The following ARRB1 variants were observed in gnomAD, a reference collection of about 807,000 sequenced individuals.
ARRB1 encodes arrestin beta 1.
ARRB1 carries 21 observed loss-of-function variants against 56.8 expected under a neutral mutation model. The observed-to-expected ratio is 0.37, with a 90% CI of 0.26 to 0.53. ARRB1 has a LOEUF of 0.53. Ranked by LOEUF, ARRB1 falls within the 20% of genes least tolerant of loss-of-function variation. ARRB1 has a pLI of 0.88. For missense variants in ARRB1, 424 were observed against 553.7 expected, an observed-to-expected ratio of 0.77 and a Z score of 2.35; for synonymous variants, 210 against 218.6, an observed-to-expected ratio of 0.96 and a Z score of 0.35.
At chr11:75,320,837 C>T (rs1947338299) in intron 1 of ARRB1, among the ~76,000 whole-genome samples, 1 of 152,196 alleles carries the variant, frequency 6.6e-6, no homozygotes, top group Non-Finnish European at 1.5e-5. Context: ...CCTGGACTCC[C>T]AGACCACTGG....
intron 12 of ARRB1, among the ~76,000 whole-genome samples, chr11:75,272,228 C>T (rs1176743429): frequency 6.6e-6 from 1 of 152,214 alleles, no homozygotes; most frequent in Non-Finnish European, 1.5e-5. Flanking sequence ...TGGGATTTAG[C>T]TTTTCAATCT....
At chr11:75,326,668 T>C (rs1947439915) in intron 1 of ARRB1, among the ~76,000 whole-genome samples, 1 of 151,498 alleles carries the variant, frequency 6.6e-6, no homozygotes, top group Admixed American at 6.6e-5. Context: ...CTAACGCCCA[T>C]GTCTCATCGC....
chr11:75,288,366 C>T (rs34348607), intron 2 of ARRB1, among the ~76,000 whole-genome samples: 2,140 of 152,248 alleles, frequency 0.014, 45 homozygotes, highest in African/African-American at 0.049. Context: ...CATAGCCAGC[C>T]GGGAGGGAAA....
At chr11:75,339,579 C>T (rs930389618) in intron 1 of ARRB1, among the ~76,000 whole-genome samples, 2 of 152,208 alleles carry the variant, frequency 1.3e-5, no homozygotes, top group Non-Finnish European at 2.9e-5. Context: ...CTCACACAAA[C>T]GCACTTTCCA....
chr11:75,345,280 T>C (rs1947747756), intron 1 of ARRB1, among the ~76,000 whole-genome samples: 1 of 152,088 alleles, frequency 6.6e-6, no homozygotes, highest in South Asian at 2.1e-4. Context: ...GAGGCGCGTC[T>C]CCCGAGAGAT....
rs561552046 is a variant in ARRB1, at chr11:75,281,318, C to G, written c.415-176G>C. On this transcript the variant is annotated intron_variant, in intron 6 of 15. Transcript: ENST00000420843. ...AACGCCCTTGTGCTCAGCCCCAATG[C>G]TGTGCTGCCTCCTCCATCTGACATG... Among the ~76,000 whole-genome samples, 5 of 152,316 alleles carry G rather than the reference C, an allele frequency of 3.3e-5. No individual in the cohort carries two copies. In the East Asian group the frequency reaches 9.6e-4, roughly 29 times the overall value.
intron 1 of ARRB1, among the ~76,000 whole-genome samples, chr11:75,301,566 C>T (rs1249851767): frequency 3.9e-5 from 6 of 152,184 alleles, no homozygotes; most frequent in Non-Finnish European, 5.9e-5. Context: ...CATACGTTCC[C>T]CCATCCCTGT....
intron 1 of ARRB1, among the ~76,000 whole-genome samples, chr11:75,318,560 T>C (rs1189530535): frequency 6.6e-6 from 1 of 152,056 alleles, no homozygotes; most frequent in Non-Finnish European, 1.5e-5. Flanking sequence ...CATGGTGGCA[T>C]GCACCTTTAA....
chr11:75,301,689 A>G (rs1248906676), intron 1 of ARRB1, among the ~76,000 whole-genome samples: 1 of 152,188 alleles, frequency 6.6e-6, no homozygotes, highest in Non-Finnish European at 1.5e-5. Flanking sequence ...AGCAGCCATC[A>G]GGGAGCAGGG....
rs1947041355 is a variant in ARRB1, at chr11:75,306,722, AG to A, written c.21-16684del. On this transcript the variant is annotated intron_variant, in intron 1 of 15. Coordinates refer to ENST00000420843, the MANE Select transcript of ARRB1 (RefSeq NM_004041.5). The stretch of plus-strand genomic sequence containing the variant: ...GCTCAGCTCTCCCCAGCCCCAAGTG[AG>A]GGGTTAGTTACAAAGAAAAGGAAAA... 3 of 1,215,674 alleles carry A rather than the reference AG, an allele frequency of 2.5e-6. No individual in the cohort carries two copies. In the East Asian group the frequency reaches 1.7e-4, roughly 69 times the overall value. The allele number at this position is 1,215,674 out of a possible 1,614,324, so 75.3% of individuals were successfully genotyped here.
In ARRB1 at chr11:75,276,865, C is replaced by T; in HGVS notation, c.750G>A (p.Lys250=). The part of the protein sequence containing the change: ...DICLFNTAQY[K]CPVAMEEADD... ...CAGCCTCTTCCATGGCAACAGGGCA[C>T]TTGTACTGAGCTGTGTTGAAAAGGC... The change falls in exon 10 of 16, where the codon AAG becomes AAA. Residue 250 remains lysine, a synonymous_variant. Coordinates refer to ENST00000420843, the MANE Select transcript of ARRB1 (RefSeq NM_004041.5). 2 of 1,614,192 alleles carry T rather than the reference C, an allele frequency of 1.2e-6. No homozygotes were observed. Among genetic ancestry groups the T allele is most frequent in the Non-Finnish European group, 8.5e-7 (1 of 1,180,002 alleles).
At chr11:75,349,746 A>G (rs1011158183) in intron 1 of ARRB1, among the ~76,000 whole-genome samples, 3 of 152,232 alleles carry the variant, frequency 2.0e-5, no homozygotes, top group Non-Finnish European at 2.9e-5. Context: ...CCTACTGAGG[A>G]CAGAGGCCTA....
chr11:75,272,661 G>A, intron 12 of ARRB1: 1 of 539,396 alleles, frequency 1.9e-6, no homozygotes, highest in Non-Finnish European at 3.4e-6. Flanking sequence ...GGAGGAGAGA[G>A]AGAAAGAGAT....
chr11:75,336,509 T>C (rs985410776), intron 1 of ARRB1, among the ~76,000 whole-genome samples: 3 of 152,172 alleles, frequency 2.0e-5, no homozygotes, highest in African/African-American at 7.2e-5. Context: ...GCTTGCTTAA[T>C]TCGTGGATAT....
intron 1 of ARRB1, among the ~76,000 whole-genome samples, chr11:75,320,744 A>G (rs1947336736): frequency 6.6e-6 from 1 of 152,174 alleles, no homozygotes; most frequent in African/African-American, 2.4e-5. Flanking sequence ...TGTAGAGTAA[A>G]ATTCATCCTA....
At chr11:75,267,606 CA>C in intron 15 of ARRB1, 45 bp downstream of exon 15, 51 of 1,301,694 alleles carry the variant, frequency 3.9e-5, no homozygotes, top group Non-Finnish European at 5.3e-5. Flanking sequence ...CCACCCCGCC[CA>C]CCCGCGGCCC....
chr11:75,327,161 G>C (rs1947448816), intron 1 of ARRB1, among the ~76,000 whole-genome samples: 1 of 151,662 alleles, frequency 6.6e-6, no homozygotes, highest in Admixed American at 6.6e-5. Flanking sequence ...AATTAGCTGG[G>C]CGCAGTGGCG....
At chr11:75,345,250 G>C (rs1227699754) in intron 1 of ARRB1, among the ~76,000 whole-genome samples, 1 of 152,162 alleles carries the variant, frequency 6.6e-6, no homozygotes, top group Non-Finnish European at 1.5e-5. Context: ...GCTAAAGATG[G>C]GGCCAGTCCC....
At chr11:75,339,055 C>T (rs1307719726) in intron 1 of ARRB1, among the ~76,000 whole-genome samples, 2 of 152,248 alleles carry the variant, frequency 1.3e-5, no homozygotes, top group Admixed American at 6.5e-5. Context: ...CACCACTCCA[C>T]GTGGCCTCAG....
Sources: gnomAD v4.1 joint callset for allele counts (sites outside exome capture counted in the v4.1 genomes callset) on GRCh38, gnomAD v4.1.1 for gene constraint, MANE v1.5 for transcripts, NCBI Gene and HGNC (gene_info 2026-07-23, HGNC 2026-07-21) for gene names.